The following PTPRD variants were observed in gnomAD, a reference collection of about 807,000 sequenced individuals.
PTPRD encodes the protein receptor-type tyrosine-protein phosphatase delta.
Under a neutral mutation model 214.5 loss-of-function variants are expected in PTPRD, and 34 were observed. That is an observed-to-expected ratio of 0.16 (90% CI 0.12 to 0.21). The LOEUF (loss-of-function observed/expected upper bound fraction) is 0.21, where lower values mean the gene tolerates loss of function less well. PTPRD is among the 10% of genes least tolerant of loss of function. The pLI is 1.00. For synonymous variants in PTPRD, 1,128 were observed against 845.7 expected (o/e 1.33, Z -5.79); for missense variants, 2,545 against 2,398.7 (o/e 1.06, Z -1.27).
chr9:9,086,831 G>A (rs1344317882), intron 10 of PTPRD, among the ~76,000 whole-genome samples: 1 of 152,046 alleles, frequency 6.6e-6, no homozygotes, highest in Non-Finnish European at 1.5e-5. Context: ...TGGGGAATTG[G>A]GCCAGTGAAA....
chr9:10,146,674 A>T (rs1174436986), intron 3 of PTPRD, among the ~76,000 whole-genome samples: 3 of 152,172 alleles, frequency 2.0e-5, no homozygotes, highest in Non-Finnish European at 1.5e-5. Context: ...CTATTCAACT[A>T]GGTAGAGAAA....
At chr9:10,538,771 T>A (rs2058451521) in intron 2 of PTPRD, among the ~76,000 whole-genome samples, 1 of 152,208 alleles carries the variant, frequency 6.6e-6, no homozygotes, top group South Asian at 2.1e-4. Flanking sequence ...TTAAAATGTG[T>A]AACAAATTTA....
At chr9:8,900,213 G>T (rs558355464) in intron 11 of PTPRD, among the ~76,000 whole-genome samples, 2 of 152,160 alleles carry the variant, frequency 1.3e-5, no homozygotes, top group East Asian at 3.9e-4. Flanking sequence ...TGGTGAAAAA[G>T]CACCATTAGA....
intron 7 of PTPRD, among the ~76,000 whole-genome samples, chr9:9,720,704 G>A (rs921799357): frequency 1.3e-5 from 2 of 151,996 alleles, no homozygotes; most frequent in East Asian, 3.9e-4. Context: ...AGTTTAAATT[G>A]CAGTACTATT....
chr9:8,847,722 G>A (rs1177167416), intron 11 of PTPRD, among the ~76,000 whole-genome samples: 1 of 148,506 alleles, frequency 6.7e-6, no homozygotes, highest in East Asian at 1.9e-4. Context: ...TACAGACAAG[G>A]AGAAGAGGCT....
chr9:9,925,494 C>T (rs1210528042), intron 5 of PTPRD, among the ~76,000 whole-genome samples: 5 of 151,920 alleles, frequency 3.3e-5, no homozygotes, highest in Non-Finnish European at 4.4e-5. Context: ...TTTTGGATAA[C>T]TAAAAGAATA....
At chr9:8,905,681 G>C (rs1208348086) in intron 11 of PTPRD, among the ~76,000 whole-genome samples, 2 of 150,326 alleles carry the variant, frequency 1.3e-5, no homozygotes, top group Admixed American at 6.6e-5. Context: ...CGAGGTTGCA[G>C]TGAGCCGGAA....
chr9:9,739,643 GT>G (rs1554950212), intron 6 of PTPRD, among the ~76,000 whole-genome samples: 1 of 151,360 alleles, frequency 6.6e-6, no homozygotes, highest in Non-Finnish European at 1.5e-5. Context: ...AAAAAAGCCA[GT>G]TGTGGTTTTG....
At chr9:9,211,077 G>A (rs2099948234) in intron 9 of PTPRD, among the ~76,000 whole-genome samples, 1 of 148,728 alleles carries the variant, frequency 6.7e-6, no homozygotes, top group East Asian at 1.9e-4. Context: ...ATACATGTGT[G>A]TGAGTGTGTG....
chr9:10,360,541 G>A (rs960551578), intron 2 of PTPRD, among the ~76,000 whole-genome samples: 3 of 152,186 alleles, frequency 2.0e-5, no homozygotes, highest in Non-Finnish European at 4.4e-5. Context: ...AGAGTTGTCA[G>A]AGAGTGTGAG....
intron 3 of PTPRD, among the ~76,000 whole-genome samples, chr9:10,283,303 T>C (rs139836858): frequency 6.6e-6 from 1 of 152,334 alleles, no homozygotes; most frequent in African/African-American, 2.4e-5. Flanking sequence ...AATTCAGTGT[T>C]AGGTTTATTT....
intron 3 of PTPRD, among the ~76,000 whole-genome samples, chr9:10,235,054 T>C (rs1214006789): frequency 2.0e-5 from 3 of 151,920 alleles, no homozygotes; most frequent in Admixed American, 6.6e-5. Context: ...ATTAGAAGCT[T>C]ATCTTTCGTA....
chr9:9,008,524 C>G (rs1243775705), intron 11 of PTPRD, among the ~76,000 whole-genome samples: 1 of 151,972 alleles, frequency 6.6e-6, no homozygotes, highest in Non-Finnish European at 1.5e-5. Context: ...CCGCGCCCGG[C>G]CTCCCCTTCA....
intron 14 of PTPRD, among the ~76,000 whole-genome samples, chr9:8,608,207 C>A (rs76073033): frequency 2.0e-5 from 3 of 151,774 alleles, no homozygotes; most frequent in African/African-American, 7.3e-5. Flanking sequence ...CCTATTAACC[C>A]GGATAATACA....
At chr9:9,937,231 A>AAAAAAAT (rs1228267409) in intron 5 of PTPRD, among the ~76,000 whole-genome samples, 1 of 151,660 alleles carries the variant, frequency 6.6e-6, no homozygotes, top group Admixed American at 6.6e-5. Context: ...AAAATAATAA[A>AAAAAAAT]AAAAAATAAA....
chr9:10,476,739 C>T lies in PTPRD; in HGVS notation c.-600+135659G>A, dbSNP rs145788491. Among the ~76,000 whole-genome samples the T allele has an allele frequency of 4.6e-3, 692 of 152,018 alleles. 8 individuals carry two copies. The highest frequency in any genetic ancestry group is 0.016 in the African/African-American group (661 of 41,498). On this transcript the variant is annotated intron_variant, in intron 2 of 45. Transcript: ENST00000381196. ...CATCATGCTACCTGACTTCAAACTA[C>T]ATTACAAGGCAACAGTAACCAAAAC... is the stretch of plus-strand genomic sequence containing the variant.
chr9:9,034,264 C>T (rs897337680), intron 10 of PTPRD, among the ~76,000 whole-genome samples: 4 of 152,068 alleles, frequency 2.6e-5, no homozygotes, highest in East Asian at 1.9e-4. Flanking sequence ...CCATATACAG[C>T]GTATCTGTCT....
intron 3 of PTPRD, among the ~76,000 whole-genome samples, chr9:10,234,928 T>C (rs1193968958): frequency 1.3e-5 from 2 of 151,900 alleles, no homozygotes; most frequent in African/African-American, 4.8e-5. Context: ...TGAAACAAGA[T>C]TATAATAGTT....
chr9:9,682,543 GGGTCCTTATGGA>G (rs1167612303), intron 7 of PTPRD, among the ~76,000 whole-genome samples: 1 of 151,636 alleles, frequency 6.6e-6, no homozygotes, highest in East Asian at 1.9e-4. Context: ...ATGCAAGTGT[GGGTCCTTATGGA>G]GGAATGTTGG....
Sources: gnomAD v4.1 joint callset for allele counts (sites outside exome capture counted in the v4.1 genomes callset) on GRCh38, gnomAD v4.1.1 for gene constraint, MANE v1.5 for transcripts, NCBI Gene and HGNC (gene_info 2026-07-23, HGNC 2026-07-21) for gene names.